The following CNNM4 variants were observed in gnomAD, a reference collection of about 807,000 sequenced individuals.
CNNM4 encodes metal transporter CNNM4.
In CNNM4, 32 loss-of-function variants were observed where a neutral mutation model predicts 53.7. The observed-to-expected ratio is 0.60, with a 90% CI of 0.45 to 0.80. The LOEUF (loss-of-function observed/expected upper bound fraction) is 0.80, where lower values mean the gene tolerates loss of function less well. Among genes scored for constraint, CNNM4 ranks in the 30% least tolerant of loss-of-function variants. The pLI, the probability that CNNM4 is intolerant of heterozygous loss-of-function variation, is 0.00. For synonymous variants in CNNM4, 410 were observed against 440.0 expected (o/e 0.93, Z 0.85); for missense variants, 784 against 1,022.0 (o/e 0.77, Z 3.17).
intron 1 of CNNM4, among the ~76,000 whole-genome samples, chr2:96,766,189 C>T (rs907074123): frequency 8.6e-5 from 13 of 151,448 alleles, no homozygotes; most frequent in Non-Finnish European, 1.0e-4. Flanking sequence ...ATTCTTGTGC[C>T]TCAGCCTCCC....
At chr2:96,799,925 T>C (rs533100192) in intron 5 of CNNM4, among the ~76,000 whole-genome samples, 1 of 151,400 alleles carries the variant, frequency 6.6e-6, no homozygotes, top group African/African-American at 2.4e-5. Context: ...TGTCCAGAGG[T>C]TGTGAGGAGA....
At chr2:96,766,869 A>G (rs1043613276) in intron 1 of CNNM4, among the ~76,000 whole-genome samples, 3 of 152,152 alleles carry the variant, frequency 2.0e-5, no homozygotes, top group Non-Finnish European at 4.4e-5. Flanking sequence ...GATGAGTGCA[A>G]AGAAAAATGG....
At chr2:96,789,233 C>G (rs1052056614) in intron 1 of CNNM4, among the ~76,000 whole-genome samples, 2 of 152,070 alleles carry the variant, frequency 1.3e-5, no homozygotes, top group Admixed American at 6.5e-5. Context: ...AGAAATGGGT[C>G]GGGATCCAGG....
intron 1 of CNNM4, among the ~76,000 whole-genome samples, chr2:96,764,071 T>C (rs1024622807): frequency 1.3e-5 from 2 of 150,502 alleles, no homozygotes; most frequent in Non-Finnish European, 3.0e-5. Context: ...TCCTCCTCAC[T>C]GCCTCTGTGG....
intron 1 of CNNM4, among the ~76,000 whole-genome samples, chr2:96,777,988 C>T (rs547610939): frequency 1.2e-3 from 178 of 151,742 alleles, no homozygotes; most frequent in Middle Eastern, 3.4e-3. Flanking sequence ...CACCTCAGCC[C>T]GCCAAGTAGC....
At chr2:96,778,107 TCTGCCCACCTTG>T (rs1383139535) in intron 1 of CNNM4, among the ~76,000 whole-genome samples, 2 of 151,496 alleles carry the variant, frequency 1.3e-5, no homozygotes, top group Non-Finnish European at 2.9e-5. Flanking sequence ...ACTCAAGTGA[TCTGCCCACCTTG>T]CCCTCCCAAA....
At chr2:96,789,595 T>G (rs925640688) in intron 1 of CNNM4, among the ~76,000 whole-genome samples, 1 of 152,194 alleles carries the variant, frequency 6.6e-6, no homozygotes, top group Non-Finnish European at 1.5e-5. Flanking sequence ...GAACCTTCTT[T>G]CTGGACCCCC....
chr2:96,809,200 G>A lies in CNNM4; in HGVS notation c.2131-120G>A, dbSNP rs755760409. ...GTTCTTTGTAAGGGCTTCCAGAGACGCTGACTGGTCATGTTCTCTCTCAAC... is the reference window on the plus strand; with the variant it reads ...GTTCTTTGTAAGGGCTTCCAGAGACACTGACTGGTCATGTTCTCTCTCAAC... On this transcript the variant is annotated intron_variant, in intron 6 of 6. Transcript: ENST00000377075. The A allele has an allele frequency of 9.7e-6, 15 of 1,544,846 alleles. No homozygotes were observed. In the Admixed American group the frequency reaches 2.5e-4, roughly 26 times the overall value.
At chr2:96,806,139 C>T (rs980790490) in intron 5 of CNNM4, among the ~76,000 whole-genome samples, 2 of 148,238 alleles carry the variant, frequency 1.3e-5, no homozygotes, top group Admixed American at 6.7e-5. Context: ...CTGACCCCCC[C>T]ACCGCCCTCC....
chr2:96,788,992 A>C (rs1265593931), intron 1 of CNNM4: 1 of 151,730 alleles, frequency 6.6e-6, no homozygotes, highest in African/African-American at 2.4e-5. Flanking sequence ...GTCTTTTTTT[A>C]TGGAGGGCGG....
intron 5 of CNNM4, among the ~76,000 whole-genome samples, chr2:96,805,763 GGTAAGGTCACA>G (rs1301780490): frequency 3.0e-5 from 4 of 132,980 alleles, no homozygotes; most frequent in African/African-American, 1.2e-4. Flanking sequence ...CAGGGTTGGG[GGTAAGGTCACA>G]GATCAACAGG....
Position 96,809,611 on chromosome 2 carries a change from A to G in CNNM4, c.*94A>G. 8.9e-7 allele frequency: 1 copy of G among 1,126,356 alleles called. No homozygotes were observed. Among genetic ancestry groups the G allele is most frequent in the East Asian group, 2.5e-5 (1 of 40,100 alleles). The allele number at this position is 1,126,356 out of a possible 1,614,324, so 69.8% of individuals were successfully genotyped here. On this transcript the variant is annotated 3_prime_UTR_variant, in exon 7 of 7. Coordinates refer to ENST00000377075, the MANE Select transcript of CNNM4 (RefSeq NM_020184.4). The stretch of plus-strand genomic sequence containing the variant: ...ACCTGTTAGTCCAGAAAGGATACGG[A>G]TAGATAGCCTGTCTGACTGAACAGC...
At chr2:96,793,131 A>G (rs1319875479) in intron 1 of CNNM4, among the ~76,000 whole-genome samples, 3 of 151,946 alleles carry the variant, frequency 2.0e-5, no homozygotes, top group South Asian at 4.1e-4. Flanking sequence ...GGTCAGGAGC[A>G]CTGGGAGGGC....
intron 1 of CNNM4, among the ~76,000 whole-genome samples, chr2:96,779,628 C>T (rs1022682418): frequency 6.6e-6 from 1 of 151,470 alleles, no homozygotes; most frequent in Non-Finnish European, 1.5e-5. Flanking sequence ...TTTAATTGAT[C>T]TGTTTCTTTT....
chr2:96,790,793 A>G (rs1425361288), intron 1 of CNNM4, among the ~76,000 whole-genome samples: 2 of 150,894 alleles, frequency 1.3e-5, no homozygotes, highest in African/African-American at 4.9e-5. Context: ...AGACCAGCCT[A>G]GGGAACATGA....
intron 1 of CNNM4, among the ~76,000 whole-genome samples, chr2:96,762,747 T>C (rs535940246): frequency 4.0e-5 from 6 of 151,366 alleles, no homozygotes; most frequent in African/African-American, 1.5e-4. Context: ...GAGTATGGGG[T>C]GGAGTCAGGA....
intron 1 of CNNM4, among the ~76,000 whole-genome samples, chr2:96,780,750 T>C (rs1016275699): frequency 6.6e-6 from 1 of 152,042 alleles, no homozygotes; most frequent in Non-Finnish European, 1.5e-5. Context: ...GTTTGTTTGT[T>C]TTTTTGAGAT....
intron 1 of CNNM4, among the ~76,000 whole-genome samples, chr2:96,784,927 G>A (rs1173700162): frequency 1.3e-5 from 2 of 152,196 alleles, no homozygotes; most frequent in African/African-American, 4.8e-5. Flanking sequence ...ACCCAGGCTG[G>A]AGTGCAGTGT....
At position 96,765,014 on chromosome 2, in the gene CNNM4, G is replaced by T. The variant is rs147637853; in HGVS notation, c.1402+2613G>T. Reference sequence around the variant, plus strand: ...AAAAAAAAGAGTTTAGGAGTCTGGTGTTGGGAATGGTTTTTTTTTTTTTTT... The same window carrying T: ...AAAAAAAAGAGTTTAGGAGTCTGGTTTTGGGAATGGTTTTTTTTTTTTTTT... On this transcript the variant is annotated intron_variant, in intron 1 of 6. Coordinates refer to ENST00000377075, the MANE Select transcript of CNNM4 (RefSeq NM_020184.4). 2.2e-3 allele frequency among the ~76,000 whole-genome samples: 184 copies of T among 82,010 alleles called. 4 individuals are homozygous for T. The East Asian group carries it at 0.059, about 26-fold the overall frequency. 53.8% of individuals were successfully genotyped at this position (82,010 alleles called of 152,430 possible).
Sources: allele counts gnomAD v4.1 joint callset (sites outside exome capture counted in the v4.1 genomes callset), GRCh38; gene constraint gnomAD v4.1.1; transcripts MANE v1.5; gene names NCBI Gene and HGNC (gene_info 2026-07-23, HGNC 2026-07-21).